Variants in LRRC40 observed in about 807,000 individuals in gnomAD.
LRRC40 encodes the protein leucine rich repeat containing 40, also known as leucine-rich repeat-containing protein 40.
In LRRC40, 76 loss-of-function variants were observed where a neutral mutation model predicts 72.8. That is an observed-to-expected ratio of 1.04 (90% CI 0.87 to 1.26). The LOEUF (loss-of-function observed/expected upper bound fraction) is 1.26. LRRC40 is among the 50% of genes most tolerant of loss of function. The pLI is 0.00. For synonymous variants in LRRC40, 243 were observed against 254.2 expected (o/e 0.96, Z 0.42); for missense variants, 684 against 698.9 (o/e 0.98, Z 0.24).
At chr1:70,165,141 T>C (rs758821595) in intron 9 of LRRC40, among the ~76,000 whole-genome samples, 13 of 152,208 alleles carry the variant, frequency 8.5e-5, no homozygotes, top group Non-Finnish European at 1.5e-4. Flanking sequence ...CTGTGGAGAA[T>C]GATTTAAGTA....
chr1:70,152,952 G>A (rs1304761702), intron 11 of LRRC40, among the ~76,000 whole-genome samples: 1 of 152,158 alleles, frequency 6.6e-6, no homozygotes, highest in African/African-American at 2.4e-5. Context: ...TACATAAGTA[G>A]TGTATTACCA....
At chr1:70,145,926 G>A in intron 14 of LRRC40, 21 bp from the exon 15 acceptor site, 1 of 1,215,986 alleles carries the variant, frequency 8.2e-7, no homozygotes, top group South Asian at 1.4e-5. Context: ...GAGAGAAATT[G>A]AGAATGTAAA....
chr1:70,197,946 G>C (rs1668653026), intron 1 of LRRC40, among the ~76,000 whole-genome samples: 1 of 151,958 alleles, frequency 6.6e-6, no homozygotes, highest in Non-Finnish European at 1.5e-5. Context: ...ATTTTTAGTA[G>C]AGACGAAGTT....
intron 14 of LRRC40, chr1:70,147,166 A>G (rs1421527307): frequency 6.6e-6 from 1 of 152,212 alleles, no homozygotes; most frequent in Non-Finnish European, 1.5e-5. Context: ...GGAGCAAAAA[A>G]TTGGAGTCAC....
At position 70,166,846 on chromosome 1, in the gene LRRC40, GTTT is replaced by G. The variant is rs573806766; in HGVS notation, c.1111+6616_1111+6618del. Among the ~76,000 whole-genome samples the G allele has an allele frequency of 1.8e-4, 28 of 151,550 alleles. 1 individual carries two copies. The East Asian group carries it at 5.4e-3, about 29-fold the overall frequency. On this transcript the variant is annotated intron_variant, in intron 9 of 14. Transcript: ENST00000370952. ...CTTACATGCATTTGTTTTTGGCTTGGTTTTCCCTTGCTTTACAATCCTGTTCTA... is the reference window on the plus strand; with the variant it reads ...CTTACATGCATTTGTTTTTGGCTTGGTCCCTTGCTTTACAATCCTGTTCTA...
Position 70,145,742 on chromosome 1 carries a change from C to A in LRRC40, c.*58G>T. The A allele has an allele frequency of 2.4e-6, 2 of 840,242 alleles. No homozygotes were observed. Among genetic ancestry groups the A allele is most frequent in the Non-Finnish European group, 3.9e-6 (2 of 515,544 alleles). The allele number at this position is 840,242 out of a possible 1,614,324, so 52.0% of individuals were successfully genotyped here. A position where few individuals can be genotyped will look rare whatever the true frequency, so the allele number is the denominator to read the frequency against. ...ATGATACTAAAACAAATGTTACATC[C>A]TCCTTAGAATTAACCAGGGTTAATA... On this transcript the variant is annotated 3_prime_UTR_variant, in exon 15 of 15. Coordinates refer to ENST00000370952, the MANE Select transcript of LRRC40 (RefSeq NM_017768.5).
intron 3 of LRRC40, among the ~76,000 whole-genome samples, chr1:70,186,093 A>G (rs1291837382): frequency 6.6e-6 from 1 of 152,194 alleles, no homozygotes; most frequent in Admixed American, 6.5e-5. Context: ...GGTTACTGTT[A>G]TTGGTTACCT....
Position 70,198,431 on chromosome 1 carries a change from A to G in LRRC40, c.151+6959T>C, listed in dbSNP as rs1313484670. 2.0e-5 allele frequency among the ~76,000 whole-genome samples: 3 copies of G among 152,094 alleles called. No homozygotes were observed. In the East Asian group the frequency reaches 5.8e-4, roughly 29 times the overall value. ...AATCATCCAATAACATTCTTGCACT[A>G]CTGTTCTACCATGGTCATGCAACTG... is the stretch of plus-strand genomic sequence containing the variant. On this transcript the variant is annotated intron_variant, in intron 1 of 14. Coordinates refer to ENST00000370952, the MANE Select transcript of LRRC40 (RefSeq NM_017768.5).
At chr1:70,156,430 T>A (rs1667638072) in intron 10 of LRRC40, among the ~76,000 whole-genome samples, 1 of 152,152 alleles carries the variant, frequency 6.6e-6, no homozygotes, top group South Asian at 2.1e-4. Context: ...CTCCCCTGAA[T>A]CTCAGTTCTG....
intron 5 of LRRC40, among the ~76,000 whole-genome samples, chr1:70,179,328 T>C (rs888000730): frequency 2.0e-5 from 3 of 150,758 alleles, no homozygotes; most frequent in African/African-American, 4.9e-5. Context: ...TACTAAAAAT[T>C]AAAAAAAAAT....
chr1:70,202,215 T>C (rs939197093), intron 1 of LRRC40, among the ~76,000 whole-genome samples: 3 of 152,132 alleles, frequency 2.0e-5, no homozygotes, highest in Non-Finnish European at 4.4e-5. Context: ...GAGTTGAACA[T>C]ATATCCAGAC....
At chr1:70,159,227 C>A (rs1667705039) in intron 10 of LRRC40, 103 bp downstream of exon 10, 1 of 449,700 alleles carries the variant, frequency 2.2e-6, no homozygotes. Context: ...CTTTGAGAGG[C>A]CAAAGCAGGA....
Position 70,195,228 on chromosome 1 carries a change from A to G in LRRC40, c.152-5955T>C, listed in dbSNP as rs541660830. Among the ~76,000 whole-genome samples, 30 of 152,294 alleles carry G rather than the reference A, an allele frequency of 2.0e-4. No homozygotes were observed. The South Asian group carries it at 3.5e-3, about 18-fold the overall frequency. On this transcript the variant is annotated intron_variant, in intron 1 of 14. Coordinates refer to ENST00000370952, the MANE Select transcript of LRRC40 (RefSeq NM_017768.5). The stretch of plus-strand genomic sequence containing the variant: ...GATAAACTAGATTTCATAAAAATTT[A>G]TAACTTACATGTTTCTAAAGCTACC...
chr1:70,148,137 C>CAA (rs35638808), intron 14 of LRRC40: 71 of 94,136 alleles, frequency 7.5e-4, no homozygotes, highest in South Asian at 1.2e-3. Context: ...CAATCAATTT[C>CAA]AAAAAAAAAA....
At chr1:70,179,069 TG>T in intron 5 of LRRC40, 76 bp from the exon 6 acceptor site, 1 of 858,356 alleles carries the variant, frequency 1.2e-6, no homozygotes. Flanking sequence ...CTTTAAAGAA[TG>T]TGTAAGAAAT....
chr1:70,181,177 AG>A lies in LRRC40; in HGVS notation c.569del (p.Pro190LeufsTer20). 3 of 1,594,304 alleles carry A rather than the reference AG, an allele frequency of 1.9e-6. No homozygotes were observed. The highest frequency in any genetic ancestry group is 2.6e-6 in the Non-Finnish European group (3 of 1,171,840). On this transcript the variant is annotated frameshift_variant, in exon 5 of 15. Transcript: ENST00000370952. LOFTEE classifies it high-confidence loss of function. ...DLSNNHLTTVPASFSSLSSLV... is the reference protein window; with the variant it reads ...DLSNNHLTTVXASFSSLSSLV... ...GACTGGACAGAGAAGAAAAACTAGC[AG>A]GAACAGTTGTAAGATGATTGTTTGA...
intron 9 of LRRC40, among the ~76,000 whole-genome samples, chr1:70,171,656 T>C (rs900834667): frequency 2.6e-5 from 4 of 152,080 alleles, no homozygotes; most frequent in African/African-American, 9.7e-5. Flanking sequence ...CCCAACAAGA[T>C]GGCTAGAATC....
At chr1:70,167,096 T>C (rs1253134312) in intron 9 of LRRC40, among the ~76,000 whole-genome samples, 1 of 152,118 alleles carries the variant, frequency 6.6e-6, no homozygotes, top group Non-Finnish European at 1.5e-5. Context: ...GGCAGACTGC[T>C]AGTTTTGCCC....
chr1:70,182,800 C>G (rs1024602809), intron 4 of LRRC40, among the ~76,000 whole-genome samples: 5 of 152,038 alleles, frequency 3.3e-5, no homozygotes, highest in African/African-American at 4.8e-5. Context: ...GGTGTTTAAT[C>G]TGTTTTAATA....
Sources: gnomAD v4.1 joint callset for allele counts (sites outside exome capture counted in the v4.1 genomes callset) on GRCh38, gnomAD v4.1.1 for gene constraint, MANE v1.5 for transcripts, NCBI Gene and HGNC (gene_info 2026-07-23, HGNC 2026-07-21) for gene names.